Variants in SH3PXD2B observed in about 807,000 individuals in gnomAD.
SH3PXD2B encodes SH3 and PX domain-containing protein 2B.
A neutral mutation model predicts 73.1 loss-of-function variants in SH3PXD2B; 37 were observed. The ratio of observed to expected loss-of-function variants is 0.51; its 90% CI spans 0.39 to 0.67. The LOEUF is 0.67. Ranked by LOEUF, SH3PXD2B falls within the 30% of genes least tolerant of loss-of-function variation. SH3PXD2B has a pLI of 0.00. For synonymous variants in SH3PXD2B, 457 were observed against 480.5 expected, an observed-to-expected ratio of 0.95 and a Z score of 0.64; for missense variants, 1,053 against 1,197.8, an observed-to-expected ratio of 0.88 and a Z score of 1.78.
chr5:172,416,717 T>C (rs1230963098), intron 2 of SH3PXD2B, among the ~76,000 whole-genome samples: 2 of 86,564 alleles, frequency 2.3e-5, no homozygotes, highest in Admixed American at 2.8e-4. Context: ...TTTTTTTTTT[T>C]TTTTTTTTTG....
chr5:172,354,250 T>C (rs1581269722), intron 8 of SH3PXD2B, among the ~76,000 whole-genome samples: 1 of 152,222 alleles, frequency 6.6e-6, no homozygotes. Context: ...TGCTTCAATC[T>C]GTGCTTCGAG....
In SH3PXD2B at chr5:172,444,676, C is replaced by G. The variant is rs1759623215; in HGVS notation, c.75+9602G>C. Reference sequence around the variant, plus strand: ...AACCTTCCCTCTCTCCCTCCATCTCCACTGTCTGCACATGGCTCATTTGGA... The same window carrying G: ...AACCTTCCCTCTCTCCCTCCATCTCGACTGTCTGCACATGGCTCATTTGGA... On this transcript the variant is annotated intron_variant, in intron 1 of 12. Transcript: ENST00000311601. Among the ~76,000 whole-genome samples the G allele has an allele frequency of 2.6e-5, 4 of 152,338 alleles. No homozygotes were observed. In the South Asian group the frequency reaches 8.3e-4, roughly 32 times the overall value.
intron 1 of SH3PXD2B, among the ~76,000 whole-genome samples, chr5:172,444,712 T>C (rs1219640265): frequency 1.3e-5 from 2 of 152,146 alleles, no homozygotes; most frequent in African/African-American, 4.8e-5. Flanking sequence ...CAGGGGCTCC[T>C]GGGTCTGTCT....
At chr5:172,401,870 G>A (rs565375495) in intron 3 of SH3PXD2B, among the ~76,000 whole-genome samples, 77 of 152,122 alleles carry the variant, frequency 5.1e-4, no homozygotes, top group African/African-American at 1.3e-3. Context: ...CATCATCTTC[G>A]TAAGCTGAGG....
At chr5:172,327,947 G>A (rs1485741687) in intron 12 of SH3PXD2B, among the ~76,000 whole-genome samples, 3 of 151,978 alleles carry the variant, frequency 2.0e-5, no homozygotes, top group African/African-American at 7.3e-5. Flanking sequence ...TAAAGATGGG[G>A]TTTCACCATG....
chr5:172,334,321 T>C lies in SH3PXD2B; in HGVS notation c.*4048A>G. The C allele has an allele frequency of 1.0e-6, 1 of 995,382 alleles. No individual in the cohort carries two copies. The highest frequency in any genetic ancestry group is 1.2e-6 in the Non-Finnish European group (1 of 837,590). The allele number at this position is 995,382 out of a possible 1,614,324, so 61.7% of individuals were successfully genotyped here. A position where few individuals can be genotyped will look rare whatever the true frequency, so the allele number is the denominator to read the frequency against. On this transcript the variant is annotated 3_prime_UTR_variant, in exon 13 of 13. Coordinates refer to ENST00000311601, the MANE Select transcript of SH3PXD2B (RefSeq NM_001017995.3). ...AGCTCTGCAGCTCTGCCTGGGACCCTCGTGGAAACTTACTCTAGTTAGGAG... is the reference window on the plus strand; with the variant it reads ...AGCTCTGCAGCTCTGCCTGGGACCCCCGTGGAAACTTACTCTAGTTAGGAG...
chr5:172,332,316 C>T (rs1299820841), downstream of SH3PXD2B, among the ~76,000 whole-genome samples: 8 of 145,802 alleles, frequency 5.5e-5, no homozygotes, highest in East Asian at 4.0e-4. Context: ...CATAGTGGTG[C>T]GATCACAGCT....
intron 1 of SH3PXD2B, among the ~76,000 whole-genome samples, chr5:172,428,013 T>C (rs1759140836): frequency 6.6e-6 from 1 of 152,030 alleles, no homozygotes; most frequent in African/African-American, 2.4e-5. Flanking sequence ...CCTGACCTCG[T>C]GATCCACCCA....
chr5:172,436,235 A>G (rs941824194), intron 1 of SH3PXD2B, among the ~76,000 whole-genome samples: 1 of 152,178 alleles, frequency 6.6e-6, no homozygotes, highest in African/African-American at 2.4e-5. Flanking sequence ...GGCCTCCAAG[A>G]AGCCCCAGGA....
In SH3PXD2B at chr5:172,339,128, G is replaced by A. The variant is rs1756781276; in HGVS notation, c.1977C>T (p.Asp659=). 1 of 1,614,250 alleles carries A rather than the reference G, an allele frequency of 6.2e-7. No individual in the cohort carries two copies. Among genetic ancestry groups the A allele is most frequent in the Non-Finnish European group, 8.5e-7 (1 of 1,180,050 alleles). ...TCCTGAGGTTGCAGATGTCGACTTG[G>A]TCTTCGCCCTGAGGTGGCTCCGTTT... ...SPKTEPPQGE[D]QVDICNLRSK... Residue 659 remains aspartate, a synonymous_variant, in exon 13 of 13, where the codon GAC becomes GAT. Coordinates refer to ENST00000311601, the MANE Select transcript of SH3PXD2B (RefSeq NM_001017995.3). This position sits in a 1 kb window ranked among gnomAD's most constrained non-coding sequence, Gnocchi z 6.1.
intron 12 of SH3PXD2B, among the ~76,000 whole-genome samples, chr5:172,342,126 G>C (rs1269893116): frequency 6.6e-6 from 1 of 152,132 alleles, no homozygotes; most frequent in Non-Finnish European, 1.5e-5. Context: ...GAGGACACAG[G>C]AGAAACCAAA....
At chr5:172,403,122 C>T (rs946171762) in intron 3 of SH3PXD2B, among the ~76,000 whole-genome samples, 1 of 152,262 alleles carries the variant, frequency 6.6e-6, no homozygotes, top group African/African-American at 2.4e-5. Context: ...AGCCGATTGC[C>T]TTCCTGGAGT....
At chr5:172,394,076 T>C in intron 4 of SH3PXD2B, among the ~76,000 whole-genome samples, 1 of 152,146 alleles carries the variant, frequency 6.6e-6, no homozygotes, top group Non-Finnish European at 1.5e-5. Flanking sequence ...CCCGAGTAGC[T>C]GGGACTACAG....
At chr5:172,347,168 G>A in intron 11 of SH3PXD2B, 115 bp downstream of exon 11, 1 of 1,031,450 alleles carries the variant, frequency 9.7e-7, no homozygotes, top group East Asian at 2.4e-5. Context: ...CAAGGCTGTT[G>A]TGTGGACAGG....
chr5:172,437,106 C>A (rs1759408780), intron 1 of SH3PXD2B, among the ~76,000 whole-genome samples: 1 of 152,058 alleles, frequency 6.6e-6, no homozygotes, highest in Non-Finnish European at 1.5e-5. Context: ...GTCACACAGG[C>A]CCAAGGTGGA....
At chr5:172,450,885 G>A (rs751630234) in intron 1 of SH3PXD2B, among the ~76,000 whole-genome samples, 5 of 152,184 alleles carry the variant, frequency 3.3e-5, no homozygotes, top group Non-Finnish European at 5.9e-5. Flanking sequence ...AGAAAGGCAG[G>A]AGCTCCCCAA....
At chr5:172,354,449 T>G (rs6882054) in intron 8 of SH3PXD2B, among the ~76,000 whole-genome samples, 93,875 of 151,604 alleles carry the variant, frequency 0.62, 29,323 homozygotes, top group Middle Eastern at 0.71. Flanking sequence ...GGAAGGCAGT[T>G]CTTTGTCTGT....
chr5:172,352,350 G>A (rs10056442), intron 9 of SH3PXD2B, among the ~76,000 whole-genome samples: 10,617 of 152,026 alleles, frequency 0.07, 479 homozygotes, highest in South Asian at 0.22. Flanking sequence ...TCAGCCTCCT[G>A]GGTAGCTGGG....
Position 172,385,708 on chromosome 5 carries a change from C to T in SH3PXD2B, c.310-3581G>A, listed in dbSNP as rs138931857. Among the ~76,000 whole-genome samples, 393 of 152,314 alleles carry T rather than the reference C, an allele frequency of 2.6e-3. 3 individuals are homozygous for T. The highest frequency in any genetic ancestry group is 8.9e-3 in the African/African-American group (369 of 41,578). On this transcript the variant is annotated intron_variant, in intron 4 of 12. Transcript: ENST00000311601. Reference sequence around the variant, plus strand: ...AATGGACCAGAAGGGGAAGGGACAACGAGGCCCATGGAAACCTCCTGATGA... The same window carrying T: ...AATGGACCAGAAGGGGAAGGGACAATGAGGCCCATGGAAACCTCCTGATGA...
Sources: allele counts gnomAD v4.1 joint callset (sites outside exome capture counted in the v4.1 genomes callset), GRCh38; gene constraint gnomAD v4.1.1; non-coding constraint Gnocchi (gnomAD v3.1); transcripts MANE v1.5; gene names NCBI Gene and HGNC (gene_info 2026-07-23, HGNC 2026-07-21).